The following PTPRD variants were observed in gnomAD, a reference collection of about 807,000 sequenced individuals.
PTPRD encodes the protein receptor-type tyrosine-protein phosphatase delta.
In PTPRD, 34 loss-of-function variants were observed where a neutral mutation model predicts 214.5. That is an observed-to-expected ratio of 0.16 (90% confidence interval 0.12 to 0.21). The LOEUF (loss-of-function observed/expected upper bound fraction) is 0.21. Among genes scored for constraint, PTPRD ranks in the 10% least tolerant of loss-of-function variants. PTPRD has a pLI of 1.00. For synonymous variants in PTPRD, 1,128 were observed against 845.7 expected (o/e 1.33, Z -5.79); for missense variants, 2,545 against 2,398.7 (o/e 1.06, Z -1.27).
intron 3 of PTPRD, among the ~76,000 whole-genome samples, chr9:10,293,682 T>A (rs76664360): frequency 1.3e-5 from 2 of 151,882 alleles, no homozygotes; most frequent in Non-Finnish European, 2.9e-5. Context: ...AAATTATACA[T>A]CCATTTTCCA....
At chr9:10,116,145 A>G (rs547569469) in intron 3 of PTPRD, among the ~76,000 whole-genome samples, 2 of 152,236 alleles carry the variant, frequency 1.3e-5, no homozygotes, top group South Asian at 2.1e-4. Context: ...TTTCTTTCCA[A>G]TATCTGAACA....
chr9:10,543,628 G>C (rs548540981), intron 2 of PTPRD, among the ~76,000 whole-genome samples: 2 of 152,118 alleles, frequency 1.3e-5, no homozygotes, highest in Admixed American at 6.6e-5. Flanking sequence ...TTAAGGCATC[G>C]TGCTTAAGCA....
intron 5 of PTPRD, among the ~76,000 whole-genome samples, chr9:9,890,019 C>A (rs1421453375): frequency 1.3e-5 from 2 of 152,010 alleles, no homozygotes; most frequent in Admixed American, 1.3e-4. Flanking sequence ...TGAATCCACC[C>A]TCCCAAAGAG....
chr9:9,186,208 C>G (rs56044634), intron 9 of PTPRD, among the ~76,000 whole-genome samples: 1 of 152,202 alleles, frequency 6.6e-6, no homozygotes, highest in Non-Finnish European at 1.5e-5. Context: ...ATGGAACATG[C>G]TCAATCTGGG....
intron 14 of PTPRD, among the ~76,000 whole-genome samples, chr9:8,607,916 A>G (rs1178798215): frequency 6.6e-6 from 1 of 152,214 alleles, no homozygotes; most frequent in Non-Finnish European, 1.5e-5. Context: ...AACAAATATT[A>G]TTCTTGTGTC....
chr9:10,035,710 A>G (rs1274407277), intron 3 of PTPRD, among the ~76,000 whole-genome samples: 1 of 152,024 alleles, frequency 6.6e-6, no homozygotes, highest in Admixed American at 6.6e-5. Flanking sequence ...CCAATCTTAC[A>G]GTCCATTTCC....
At chr9:8,656,762 T>C (rs1031214562) in intron 12 of PTPRD, among the ~76,000 whole-genome samples, 6 of 152,208 alleles carry the variant, frequency 3.9e-5, no homozygotes, top group Middle Eastern at 3.2e-3. Flanking sequence ...CCTTCCGGTA[T>C]AGGAAAGGTT....
intron 9 of PTPRD, among the ~76,000 whole-genome samples, chr9:9,212,125 T>G (rs763771615): frequency 2.0e-5 from 3 of 152,168 alleles, no homozygotes; most frequent in Non-Finnish European, 2.9e-5. Context: ...TACCCACCAC[T>G]GAGAGGGATA....
intron 8 of PTPRD, among the ~76,000 whole-genome samples, chr9:9,503,596 C>T (rs1017409132): frequency 6.6e-6 from 1 of 151,688 alleles, no homozygotes; most frequent in Non-Finnish European, 1.5e-5. Context: ...GTAAATATTG[C>T]ATAGGAATCA....
intron 35 of PTPRD, among the ~76,000 whole-genome samples, chr9:8,409,820 A>G (rs2130918320): frequency 6.6e-6 from 1 of 152,338 alleles, no homozygotes; most frequent in East Asian, 1.9e-4. Flanking sequence ...TAAAACAACT[A>G]ACAAAAATTT....
chr9:9,935,228 A>T (rs1219384565), intron 5 of PTPRD, among the ~76,000 whole-genome samples: 1 of 152,018 alleles, frequency 6.6e-6, no homozygotes, highest in African/African-American at 2.4e-5. Context: ...TGGCCAGGGC[A>T]ATCAGGCAGG....
chr9:9,532,188 G>C (rs1249196142), intron 8 of PTPRD, among the ~76,000 whole-genome samples: 2 of 152,086 alleles, frequency 1.3e-5, no homozygotes, highest in Non-Finnish European at 2.9e-5. Flanking sequence ...CTCAGAGTGA[G>C]GATGGGTAAA....
At chr9:9,263,885 A>C (rs2099981238) in intron 9 of PTPRD, among the ~76,000 whole-genome samples, 1 of 151,622 alleles carries the variant, frequency 6.6e-6, no homozygotes, top group Non-Finnish European at 1.5e-5. Flanking sequence ...ATACCCATGT[A>C]ACAAACCTGC....
rs116772644 is a variant in PTPRD at position 10,597,371 on chromosome 9, A to G, written c.-600+15027T>C. On this transcript the variant is annotated intron_variant, in intron 2 of 45. Coordinates refer to ENST00000381196, the MANE Select transcript of PTPRD (RefSeq NM_002839.4). ...TTTATAACAAGCTATGCTTCGAATG[A>G]ATATGCTTTGAGCACTGTCAGGGTT... 7.0e-3 allele frequency among the ~76,000 whole-genome samples: 1,070 copies of G among 151,912 alleles called. 21 individuals carry two copies. Among genetic ancestry groups the G allele is most frequent in the African/African-American group, 0.024 (1,013 of 41,516 alleles).
chr9:9,430,688 C>A (rs999923372), intron 8 of PTPRD, among the ~76,000 whole-genome samples: 1 of 152,146 alleles, frequency 6.6e-6, no homozygotes, highest in Non-Finnish European at 1.5e-5. Flanking sequence ...CAGCATTGTA[C>A]TGGTACCAAA....
At chr9:10,283,432 T>C (rs190406112) in intron 3 of PTPRD, among the ~76,000 whole-genome samples, 39 of 152,320 alleles carry the variant, frequency 2.6e-4, no homozygotes, top group African/African-American at 8.7e-4. Flanking sequence ...ACGATAAGAA[T>C]TCAATAAATA....
At chr9:10,479,093 T>C (rs952144438) in intron 2 of PTPRD, among the ~76,000 whole-genome samples, 1 of 152,170 alleles carries the variant, frequency 6.6e-6, no homozygotes, top group Admixed American at 6.5e-5. Context: ...GGTAGTGTTT[T>C]CCATACAGAA....
At chr9:9,230,634 G>C (rs1028240363) in intron 9 of PTPRD, among the ~76,000 whole-genome samples, 1 of 152,076 alleles carries the variant, frequency 6.6e-6, no homozygotes, top group African/African-American at 2.4e-5. Flanking sequence ...GAATTGGATT[G>C]AATGCTAGGA....
intron 2 of PTPRD, among the ~76,000 whole-genome samples, chr9:10,523,601 GTATA>G (rs201455705): frequency 0.12 from 7,765 of 64,360 alleles, 881 homozygotes; most frequent in African/African-American, 0.25. Context: ...ATATTTATCT[GTATA>G]TATATATATA....
Sources: allele counts gnomAD v4.1 joint callset (sites outside exome capture counted in the v4.1 genomes callset), GRCh38; gene constraint gnomAD v4.1.1; transcripts MANE v1.5; gene names NCBI Gene and HGNC (gene_info 2026-07-23, HGNC 2026-07-21).